Variants in ZFTA observed in about 807,000 individuals in gnomAD.
The protein encoded by ZFTA is zinc finger translocation associated.
A neutral mutation model predicts 41.8 loss-of-function variants in ZFTA; 35 were observed. That is an observed-to-expected ratio of 0.84 (90% CI 0.64 to 1.11). The LOEUF (loss-of-function observed/expected upper bound fraction) is 1.11. Among genes scored for constraint, ZFTA ranks in the 50% most tolerant of loss-of-function variants. The pLI, the probability that ZFTA is intolerant of heterozygous loss-of-function variation, is 0.00. For missense variants in ZFTA, 964 were observed against 989.8 expected (o/e 0.97, Z 0.35); for synonymous variants, 514 against 436.4 (o/e 1.18, Z -2.22).
chr11:63,765,329 A>G lies in ZFTA; in HGVS notation c.638-75T>C, dbSNP rs1286046385. ...ACCCACTACAGCCAGGTCTCCCACA[A>G]GCCTCTCACTCACTTGGGCCCCAGG... On this transcript the variant is annotated intron_variant, in intron 2 of 4. Transcript: ENST00000433688. The surrounding 1 kb of genome is among the most constrained non-coding windows in gnomAD (Gnocchi z 4.0). 2.9e-6 allele frequency: 4 copies of G among 1,382,796 alleles called. No individual in the cohort carries two copies. The highest frequency in any genetic ancestry group is 3.8e-6 in the Non-Finnish European group (4 of 1,065,606). 85.7% of individuals were successfully genotyped at this position (1,382,796 alleles called of 1,614,324 possible).
Position 63,762,740 on chromosome 11 carries a change from A to T in ZFTA, c.*678T>A, listed in dbSNP as rs1454292797. Reference sequence around the variant, plus strand: ...GCCGCCGGGCGCACGGTTCTCACTGAGCCTGCCGGGGAGGTAAGCGCAGCT... The same window carrying T: ...GCCGCCGGGCGCACGGTTCTCACTGTGCCTGCCGGGGAGGTAAGCGCAGCT... On this transcript the variant is annotated 3_prime_UTR_variant, in exon 5 of 5. Coordinates refer to ENST00000433688, the MANE Select transcript of ZFTA (RefSeq NM_001144936.2). 2.0e-5 allele frequency: 3 copies of T among 152,248 alleles called. No homozygotes were observed. The highest frequency in any genetic ancestry group is 4.4e-5 in the Non-Finnish European group (3 of 68,136). 9.4% of individuals were successfully genotyped at this position (152,248 alleles called of 1,614,324 possible). A position where few individuals can be genotyped will look rare whatever the true frequency, so the allele number is the denominator to read the frequency against.
In ZFTA at chr11:63,765,485, G is replaced by T. The variant is rs1173587665; in HGVS notation, c.638-231C>A. 3.9e-5 allele frequency among the ~76,000 whole-genome samples: 6 copies of T among 151,990 alleles called. No homozygotes were observed. In the East Asian group the frequency reaches 1.2e-3, roughly 29 times the overall value. ...GCCCTGTCCCTGGCCTTCACCGTCA[G>T]CCACACCTCTCCAGCACCCTCCCCT... On this transcript the variant is annotated intron_variant, in intron 2 of 4. Transcript: ENST00000433688. The surrounding 1 kb of genome is among the most constrained non-coding windows in gnomAD (Gnocchi z 4.0).
In ZFTA at chr11:63,764,040, C is replaced by G. The variant is rs2014700035; in HGVS notation, c.1583G>C (p.Trp528Ser). 14 of 1,330,302 alleles carry G rather than the reference C, an allele frequency of 1.1e-5. No individual in the cohort carries two copies. The highest frequency in any genetic ancestry group is 1.3e-5 in the Non-Finnish European group (14 of 1,037,176). 82.4% of individuals were successfully genotyped at this position (1,330,302 alleles called of 1,614,324 possible). ...EEEPEEEEEEWGDVPLSPGAP... is the reference protein window; with the variant it reads ...EEEPEEEEEESGDVPLSPGAP... ...CCTGCTCTGGCCCCACCGCTCACCCCACTCCTCCTCCTCCTCCTCTGGCTC... is the reference window on the plus strand; with the variant it reads ...CCTGCTCTGGCCCCACCGCTCACCCGACTCCTCCTCCTCCTCCTCTGGCTC... The change falls in exon 4 of 5, where the codon TGG becomes TCG. Residue 528 changes from tryptophan to serine, a missense_variant and splice_region_variant. Transcript: ENST00000433688.
Position 63,764,310 on chromosome 11 carries a change from A to C in ZFTA, c.1313T>G (p.Val438Gly), listed in dbSNP as rs1186571699. The C allele has an allele frequency of 4.3e-6, 6 of 1,408,854 alleles. No homozygotes were observed. The allele number at this position is 1,408,854 out of a possible 1,614,324, so 87.3% of individuals were successfully genotyped here. ...CAGCGCGCCCCCGCACACCCCGCAC[A>C]CCAGGCCGCGCCGGCCGCCGTCCAA... ...MELDGGRRGL[V>G]CGVCGGALAS... is the part of the protein sequence containing the mutation. The change falls in exon 4 of 5, where the codon GTG (valine) becomes GGG (glycine). Residue 438 changes from valine to glycine, a missense_variant. Around this residue, in one of 5 missense-constraint regions of ZFTA, gnomAD observed 584 missense variants for 523.1 expected, o/e 1.12. Transcript: ENST00000433688.
In ZFTA at chr11:63,763,743, G is replaced by C; in HGVS notation, c.1712C>G (p.Pro571Arg). 6 of 1,490,784 alleles carry C rather than the reference G, an allele frequency of 4.0e-6. No homozygotes were observed. The East Asian group carries it at 1.6e-4, about 39-fold the overall frequency. The allele number at this position is 1,490,784 out of a possible 1,614,324, so 92.3% of individuals were successfully genotyped here. ...PPPPPPPPPPPPRSREQRRNY... is the reference protein window; with the variant it reads ...PPPPPPPPPPRPRSREQRRNY... ...CCGCCGCTGCTCCCGGCTGCGGGGCGGGGGCGGAGGCGGGGGAGGAGGCGG... is the reference window on the plus strand; with the variant it reads ...CCGCCGCTGCTCCCGGCTGCGGGGCCGGGGCGGAGGCGGGGGAGGAGGCGG... The change falls in exon 5 of 5, where the codon CCG becomes CGG. Residue 571 changes from proline (P) to arginine (R), a missense_variant. Pro to Arg is a moderately radical substitution (Grantham distance 103, BLOSUM62 -2). This residue lies in a region of ZFTA where 584 missense variants were observed against 523.1 expected (regional missense o/e 1.12). Transcript: ENST00000433688.
In ZFTA at chr11:63,763,042, T is replaced by G. The variant is rs2014673058; in HGVS notation, c.*376A>C. 6.5e-6 allele frequency: 1 copy of G among 152,922 alleles called. No homozygotes were observed. The highest frequency in any genetic ancestry group is 2.4e-5 in the African/African-American group (1 of 41,458). 9.5% of individuals were successfully genotyped at this position (152,922 alleles called of 1,614,324 possible). Reference sequence around the variant, plus strand: ...GCCCCCCTTCGGCCCTAATACTGACTGACGGCGCCCCCAGTCCCGGCCTGC... The same window carrying G: ...GCCCCCCTTCGGCCCTAATACTGACGGACGGCGCCCCCAGTCCCGGCCTGC... On this transcript the variant is annotated 3_prime_UTR_variant, in exon 5 of 5. Coordinates refer to ENST00000433688, the MANE Select transcript of ZFTA (RefSeq NM_001144936.2).
At position 63,765,403 on chromosome 11, in the gene ZFTA, A is replaced by AAT. The variant is rs1482852501; in HGVS notation, c.638-150_638-149insAT. The stretch of plus-strand genomic sequence containing the variant: ...TCTCTCCTGAAATCCTAACTCCCTA[A>AAT]ACCCTCCTCTGCTAGCATTTCAAGC... On this transcript the variant is annotated intron_variant, in intron 2 of 4. Transcript: ENST00000433688. This position sits in a 1 kb window ranked among gnomAD's most constrained non-coding sequence, Gnocchi z 4.0. 1.1e-6 allele frequency: 1 copy of AAT among 924,456 alleles called. No homozygotes were observed. Among genetic ancestry groups the AAT allele is most frequent in the African/African-American group, 1.8e-5 (1 of 56,572 alleles). 57.3% of individuals were successfully genotyped at this position (924,456 alleles called of 1,614,324 possible). A position where few individuals can be genotyped will look rare whatever the true frequency, so the allele number is the denominator to read the frequency against.
chr11:63,764,549 G>A lies in ZFTA; in HGVS notation c.1074C>T (p.Ala358=), dbSNP rs1050995667. 2 of 1,256,084 alleles carry A rather than the reference G, an allele frequency of 1.6e-6. No homozygotes were observed. Among genetic ancestry groups the A allele is most frequent in the African/African-American group, 1.5e-5 (1 of 64,662 alleles). The allele number at this position is 1,256,084 out of a possible 1,614,324, so 77.8% of individuals were successfully genotyped here. ...GAGAGGAGGGGGCTCCAGCAGCGGA[G>A]GCCGAGTCCCGGCTCTTTCCGGTCA... is the stretch of plus-strand genomic sequence containing the variant. The part of the protein sequence containing the change: ...QDLTGKSRDS[A]SAAGAPSSQD... The change falls in exon 4 of 5, where the codon GCC becomes GCT. Residue 358 remains alanine (A), a synonymous_variant. Coordinates refer to ENST00000433688, the MANE Select transcript of ZFTA (RefSeq NM_001144936.2).
Position 63,764,586 on chromosome 11 carries a change from G to A in ZFTA, c.1037C>T (p.Ala346Val), listed in dbSNP as rs1047109729. 3 of 1,255,790 alleles carry A rather than the reference G, an allele frequency of 2.4e-6. No homozygotes were observed. The highest frequency in any genetic ancestry group is 1.5e-5 in the African/African-American group (1 of 64,550). The allele number at this position is 1,255,790 out of a possible 1,614,324, so 77.8% of individuals were successfully genotyped here. A position where few individuals can be genotyped will look rare whatever the true frequency, so the allele number is the denominator to read the frequency against. ...GCTCTTTCCGGTCAGGTCCTGGGGG[G>A]CGAGGTCATCGCCTGTTGGGGAAGG... ...LTQSPPGDDL[A>V]PQDLTGKSRD... Residue 346 changes from alanine (A) to valine (V), a missense_variant, in exon 4 of 5, where the codon GCC becomes GTC. Ala to Val is a moderately conservative substitution (Grantham distance 64). Around this residue, in one of 5 missense-constraint regions of ZFTA, gnomAD observed 584 missense variants for 523.1 expected, o/e 1.12. Coordinates refer to ENST00000433688, the MANE Select transcript of ZFTA (RefSeq NM_001144936.2).
In ZFTA at chr11:63,762,031, C is replaced by A. The variant is rs560832467; in HGVS notation, c.*1387G>T. 1 of 152,444 alleles carries A rather than the reference C, an allele frequency of 6.6e-6. No individual in the cohort carries two copies. Among genetic ancestry groups the A allele is most frequent in the Non-Finnish European group, 1.5e-5 (1 of 68,230 alleles). The allele number at this position is 152,444 out of a possible 1,614,324, so 9.4% of individuals were successfully genotyped here. On this transcript the variant is annotated 3_prime_UTR_variant, in exon 5 of 5. Transcript: ENST00000433688. ...CAAGTTCCACCCACTAGCCTCCCCG[C>A]CCCGGCTTTAGGACCGCGGGAACTG...
rs1005735509 is a variant in ZFTA, at chr11:63,759,927, TAC to T, written c.*3489_*3490del. 3.3e-5 allele frequency: 5 copies of T among 152,164 alleles called. No individual in the cohort carries two copies. The highest frequency in any genetic ancestry group is 1.2e-4 in the African/African-American group (5 of 41,366). 9.4% of individuals were successfully genotyped at this position (152,164 alleles called of 1,614,324 possible). Reference sequence around the variant, plus strand: ...ATCATTCTGCTAACTTTATTCTTTATACACAGTTTGGGTAAAGTAAGAACCAA... The same window carrying T: ...ATCATTCTGCTAACTTTATTCTTTATACAGTTTGGGTAAAGTAAGAACCAA... On this transcript the variant is annotated 3_prime_UTR_variant, in exon 5 of 5. Transcript: ENST00000433688.
At position 63,768,624 on chromosome 11, in the gene ZFTA, C is replaced by T; in HGVS notation, c.-2G>A. 1 of 992,008 alleles carries T rather than the reference C, an allele frequency of 1.0e-6. No homozygotes were observed. The highest frequency in any genetic ancestry group is 1.2e-6 in the Non-Finnish European group (1 of 836,644). 61.5% of individuals were successfully genotyped at this position (992,008 alleles called of 1,614,324 possible). ...CCGGTGGTCCCCGCCGGGCTCCATG[C>T]GCTGCGCTGCGGAGCGGGGCCCCGG... On this transcript the variant is annotated 5_prime_UTR_variant, in exon 1 of 5. Transcript: ENST00000433688.
In ZFTA at chr11:63,764,211, G is replaced by C; in HGVS notation, c.1412C>G (p.Pro471Arg). 7.0e-7 allele frequency: 1 copy of C among 1,419,628 alleles called. No individual in the cohort carries two copies. The highest frequency in any genetic ancestry group is 3.0e-5 in the East Asian group (1 of 33,552). 87.9% of individuals were successfully genotyped at this position (1,419,628 alleles called of 1,614,324 possible). A position where few individuals can be genotyped will look rare whatever the true frequency, so the allele number is the denominator to read the frequency against. Residue 471 changes from proline to arginine, a missense_variant, in exon 4 of 5, where the codon CCT (proline) becomes CGT (arginine). This residue lies in a region of ZFTA where 584 missense variants were observed against 523.1 expected (regional missense o/e 1.12). Coordinates refer to ENST00000433688, the MANE Select transcript of ZFTA (RefSeq NM_001144936.2). ...CTCCCGGGCGATGAGGGCCTGGACA[G>C]GCCCGCCGAGGCGCGTGGAGCCCGG... Reference protein sequence around the residue: ...RHPGSTRLGGPVQALIAREWS... With the variant: ...RHPGSTRLGGRVQALIAREWS...
In ZFTA at chr11:63,768,494, T is replaced by A; in HGVS notation, c.129A>T (p.Glu43Asp). 1 of 1,197,946 alleles carries A rather than the reference T, an allele frequency of 8.3e-7. No homozygotes were observed. The highest frequency in any genetic ancestry group is 1.1e-6 in the Non-Finnish European group (1 of 951,798). The allele number at this position is 1,197,946 out of a possible 1,614,324, so 74.2% of individuals were successfully genotyped here. Residue 43 changes from glutamate to aspartate, a missense_variant, in exon 1 of 5, where the codon GAA becomes GAT. By Grantham distance (45) the Glu-to-Asp change is conservative (BLOSUM62 2). Transcript: ENST00000433688. ...GGCCCCAGCTCTTACCGCCTTCGTCTTCCTCTGGCTCCGCGCTGCCGCTCG... is the reference window on the plus strand; with the variant it reads ...GGCCCCAGCTCTTACCGCCTTCGTCATCCTCTGGCTCCGCGCTGCCGCTCG... ...AGSSGSAEPE[E>D]DEGGQDLQLE...
Position 63,763,467 on chromosome 11 carries a change from G to T in ZFTA, c.1988C>A (p.Pro663Gln). 6.8e-7 allele frequency: 1 copy of T among 1,473,022 alleles called. No individual in the cohort carries two copies. Among genetic ancestry groups the T allele is most frequent in the Non-Finnish European group, 9.0e-7 (1 of 1,111,870 alleles). 91.2% of individuals were successfully genotyped at this position (1,473,022 alleles called of 1,614,324 possible). The part of the protein sequence containing the change: ...HEGFGPPAPA[P>Q]RDGGADLKSG... ...CTTGAGGTCCGCGCCGCCGTCACGC[G>T]GCGCCGGGGCGGGCGGCCCGAAGCC... is the stretch of plus-strand genomic sequence containing the variant. Residue 663 changes from proline (P) to glutamine (Q), a missense_variant, in exon 5 of 5, where the codon CCG becomes CAG. This residue lies in a region of ZFTA where 65 missense variants were observed against 58.9 expected (regional missense o/e 1.10). Transcript: ENST00000433688.
intron 3 of ZFTA, 99 bp from the exon 4 acceptor site, chr11:63,764,697 G>A: frequency 1.5e-6 from 2 of 1,325,372 alleles, no homozygotes; most frequent in Admixed American, 3.7e-5. Context: ...CCAGCCCCAA[G>A]CTAGAGGCCC....
At position 63,766,140 on chromosome 11, in the gene ZFTA, G is replaced by C; in HGVS notation, c.304C>G (p.Arg102Gly). 1 of 1,517,712 alleles carries C rather than the reference G, an allele frequency of 6.6e-7. No individual in the cohort carries two copies. Among genetic ancestry groups the C allele is most frequent in the Non-Finnish European group, 8.9e-7 (1 of 1,129,678 alleles). 94.0% of individuals were successfully genotyped at this position (1,517,712 alleles called of 1,614,324 possible). A position where few individuals can be genotyped will look rare whatever the true frequency, so the allele number is the denominator to read the frequency against. Residue 102 changes from arginine to glycine, a missense_variant, in exon 2 of 5, where the codon CGG (arginine) becomes GGG (glycine). Physicochemically the swap from Arg to Gly is moderately radical, Grantham distance 125. Transcript: ENST00000433688. ...GKSRIPGRDH[R>G]RYYHDHWRLE... is the part of the protein sequence containing the mutation. Reference sequence around the variant, plus strand: ...CGCCAGTGGTCGTGGTAGTAGCGCCGGTGGTCACGGCCAGGGATGCGGCTC... The same window carrying C: ...CGCCAGTGGTCGTGGTAGTAGCGCCCGTGGTCACGGCCAGGGATGCGGCTC...
In ZFTA at chr11:63,764,409, G is replaced by C; in HGVS notation, c.1214C>G (p.Pro405Arg). ...GGCGCGGCCCCGCGGCGACCGGCCC[G>C]GGACCCCCGCCCTCTCGCCCTCGCC... Reference protein sequence around the residue: ...EEGEGERAGVPGRSPRGRAHR... With the variant: ...EEGEGERAGVRGRSPRGRAHR... Residue 405 changes from proline to arginine, a missense_variant, in exon 4 of 5, where the codon CCG becomes CGG. Transcript: ENST00000433688. The C allele has an allele frequency of 7.8e-7, 1 of 1,279,688 alleles. No homozygotes were observed. 79.3% of individuals were successfully genotyped at this position (1,279,688 alleles called of 1,614,324 possible).
In ZFTA at chr11:63,762,003, C is replaced by A. The variant is rs1406158790; in HGVS notation, c.*1415G>T. On this transcript the variant is annotated 3_prime_UTR_variant, in exon 5 of 5. Transcript: ENST00000433688. ...AGGCATCTCTTCCTCCAGACCCAAC[C>A]CTCAAGTTCCACCCACTAGCCTCCC... is the stretch of plus-strand genomic sequence containing the variant. 2 of 152,384 alleles carry A rather than the reference C, an allele frequency of 1.3e-5. No homozygotes were observed. The highest frequency in any genetic ancestry group is 1.9e-4 in the East Asian group (1 of 5,208). The allele number at this position is 152,384 out of a possible 1,614,324, so 9.4% of individuals were successfully genotyped here.
Sources: gnomAD v4.1 joint callset for allele counts (sites outside exome capture counted in the v4.1 genomes callset) on GRCh38, gnomAD v4.1.1 for gene constraint, gnomAD v4.1.1 regional missense constraint, Gnocchi (gnomAD v3.1) non-coding constraint, MANE v1.5 for transcripts, NCBI Gene and HGNC (gene_info 2026-07-23, HGNC 2026-07-21) for gene names.